Variants in SYNPR observed in about 807,000 individuals in gnomAD.
SYNPR encodes synaptoporin.
A neutral mutation model predicts 32.9 loss-of-function variants in SYNPR; 23 were observed. That is an observed-to-expected ratio of 0.70 (90% CI 0.50 to 0.99). The LOEUF (loss-of-function observed/expected upper bound fraction) is 0.99. Ranked by LOEUF, SYNPR falls within the 50% of genes least tolerant of loss-of-function variation. The pLI, the probability that SYNPR is intolerant of heterozygous loss-of-function variation, is 0.00. For missense variants in SYNPR, 318 were observed against 349.3 expected (o/e 0.91, Z 0.71); for synonymous variants, 146 against 135.9 (o/e 1.07, Z -0.52).
At chr3:63,308,729 G>A (rs62253876) in intron 2 of SYNPR, among the ~76,000 whole-genome samples, 18,869 of 151,804 alleles carry the variant, frequency 0.12, 1,286 homozygotes, top group Non-Finnish European at 0.16. Context: ...CTCCCTGGGT[G>A]CATTTAAGAT....
At chr3:63,483,377 A>C (rs915992654) in intron 3 of SYNPR, among the ~76,000 whole-genome samples, 4 of 152,164 alleles carry the variant, frequency 2.6e-5, no homozygotes, top group Non-Finnish European at 5.9e-5. Context: ...AAAAAATATA[A>C]TAGTAAATGC....
chr3:63,516,525 A>G (rs1367637813), intron 3 of SYNPR, among the ~76,000 whole-genome samples: 2 of 152,174 alleles, frequency 1.3e-5, no homozygotes, highest in East Asian at 3.9e-4. Flanking sequence ...ATGCTCCTTG[A>G]CCATTATACA....
chr3:63,515,158 C>T (rs995277345), intron 3 of SYNPR, among the ~76,000 whole-genome samples: 43 of 151,800 alleles, frequency 2.8e-4, no homozygotes, highest in African/African-American at 9.0e-4. Context: ...TTATTTCTGC[C>T]CCCCCATCTT....
intron 2 of SYNPR, among the ~76,000 whole-genome samples, chr3:63,368,140 A>G (rs2087749951): frequency 1.3e-5 from 2 of 152,224 alleles, no homozygotes; most frequent in Non-Finnish European, 2.9e-5. Context: ...GTGACAGGCT[A>G]TGGAGCATCA....
At chr3:63,604,553 A>G (rs191119981) in intron 4 of SYNPR, among the ~76,000 whole-genome samples, 56 of 152,094 alleles carry the variant, frequency 3.7e-4, no homozygotes, top group Non-Finnish European at 7.2e-4. Context: ...TCTTTGTTCT[A>G]ATCTTTGAAT....
At chr3:63,504,969 G>A (rs1701559153) in intron 3 of SYNPR, among the ~76,000 whole-genome samples, 1 of 152,048 alleles carries the variant, frequency 6.6e-6, no homozygotes, top group African/African-American at 2.4e-5. Context: ...CTGAGAAAGA[G>A]GTGAAAGTCA....
At chr3:63,328,838 T>C (rs940811365) in intron 2 of SYNPR, among the ~76,000 whole-genome samples, 1 of 152,200 alleles carries the variant, frequency 6.6e-6, no homozygotes, top group Non-Finnish European at 1.5e-5. Flanking sequence ...TATTTTCTTC[T>C]ACCTTTTATT....
At chr3:63,412,161 G>T (rs561311975) in intron 2 of SYNPR, among the ~76,000 whole-genome samples, 1 of 152,198 alleles carries the variant, frequency 6.6e-6, no homozygotes, top group East Asian at 1.9e-4. Flanking sequence ...ACTGATACAA[G>T]GACCACTGGA....
At chr3:63,407,339 C>T (rs1229975894) in intron 2 of SYNPR, among the ~76,000 whole-genome samples, 3 of 152,172 alleles carry the variant, frequency 2.0e-5, no homozygotes, top group Non-Finnish European at 2.9e-5. Context: ...TGAAGGATTA[C>T]ATGAGTTATG....
At chr3:63,291,690 C>T (rs1357387635) in intron 2 of SYNPR, among the ~76,000 whole-genome samples, 1 of 151,700 alleles carries the variant, frequency 6.6e-6, no homozygotes, top group African/African-American at 2.4e-5. Context: ...TTTTTAAAGA[C>T]AAGTGCTTCA....
chr3:63,292,315 T>C (rs1466150967), intron 2 of SYNPR, among the ~76,000 whole-genome samples: 1 of 152,216 alleles, frequency 6.6e-6, no homozygotes, highest in African/African-American at 2.4e-5. Flanking sequence ...ATCATGGTAA[T>C]TAGCATATCC....
chr3:63,210,158 T>C, the SYNPR span, among the ~76,000 whole-genome samples: 1,503 of 152,340 alleles, frequency 9.9e-3, 22 homozygotes, highest in African/African-American at 0.034. Flanking sequence ...ATTCACTATA[T>C]AGCTCTAATT....
At chr3:63,481,769 T>C (rs116085587) in intron 3 of SYNPR, among the ~76,000 whole-genome samples, 1,629 of 152,204 alleles carry the variant, frequency 0.011, 32 homozygotes, top group African/African-American at 0.037. Flanking sequence ...GACCAACCCA[T>C]TGGCTTCTGG....
At chr3:63,478,560 A>T (rs1330630368) in intron 2 of SYNPR, among the ~76,000 whole-genome samples, 2 of 152,220 alleles carry the variant, frequency 1.3e-5, no homozygotes, top group Admixed American at 1.3e-4. Flanking sequence ...AAATGGTCAC[A>T]ATGTACAATC....
chr3:63,444,862 T>C (rs12374033), intron 2 of SYNPR, among the ~76,000 whole-genome samples: 28,201 of 151,838 alleles, frequency 0.19, 3,004 homozygotes, highest in Non-Finnish European at 0.25. Flanking sequence ...TATATTGCCT[T>C]GTTACTGGTC....
At chr3:63,275,565 T>G (rs1344804148), upstream of SYNPR, among the ~76,000 whole-genome samples, 3 of 152,190 alleles carry the variant, frequency 2.0e-5, no homozygotes, top group African/African-American at 7.2e-5. Flanking sequence ...TAATCACACT[T>G]CCTCTGTGCC....
intron 3 of SYNPR, among the ~76,000 whole-genome samples, chr3:63,522,244 C>T (rs1478370791): frequency 6.6e-6 from 1 of 152,238 alleles, no homozygotes. Flanking sequence ...GGACCATCCT[C>T]TATCGTTCCA....
At chr3:63,305,377 A>G (rs763528524) in intron 2 of SYNPR, among the ~76,000 whole-genome samples, 2 of 152,046 alleles carry the variant, frequency 1.3e-5, no homozygotes, top group Non-Finnish European at 2.9e-5. Context: ...TTAAGCAGCT[A>G]ATTTTTGGAC....
chr3:63,263,986 T>A (rs987793819), intron 2 of SYNPR, among the ~76,000 whole-genome samples: 6 of 152,100 alleles, frequency 3.9e-5, no homozygotes, highest in Admixed American at 1.3e-4. Flanking sequence ...TACATCCCAA[T>A]ATTACAAACA....
Sources: gnomAD v4.1 joint callset for allele counts (sites outside exome capture counted in the v4.1 genomes callset) on GRCh38, gnomAD v4.1.1 for gene constraint, MANE v1.5 for transcripts, NCBI Gene and HGNC (gene_info 2026-07-23, HGNC 2026-07-21) for gene names.